The following CRYBG3 variants were observed in gnomAD, a reference collection of about 807,000 sequenced individuals.
The protein encoded by CRYBG3 is very large A-kinase anchor protein.
In CRYBG3, 127 loss-of-function variants were observed where a neutral mutation model predicts 244.2. The ratio of observed to expected loss-of-function variants is 0.52; its 90% CI spans 0.45 to 0.60. The LOEUF (loss-of-function observed/expected upper bound fraction) is 0.60, where lower values mean the gene tolerates loss of function less well. Among genes scored for constraint, CRYBG3 ranks in the 20% least tolerant of loss-of-function variants. CRYBG3 has a pLI of 0.00. For missense variants in CRYBG3, 3,325 were observed against 3,442.5 expected (o/e 0.97, Z 0.85); for synonymous variants, 1,132 against 1,195.8 (o/e 0.95, Z 1.10).
In CRYBG3 at chr3:97,873,734, A is replaced by C. The variant is rs547133795; in HGVS notation, c.2540A>C (p.Glu847Ala). The change falls in exon 4 of 22, where the codon GAG becomes GCG. Residue 847 changes from glutamate to alanine, a missense_variant. By Grantham distance (107) the Glu-to-Ala change is moderately radical. Coordinates refer to ENST00000389622, the MANE Select transcript of CRYBG3 (RefSeq NM_153605.4). Reference protein sequence around the residue: ...SLSKVSLSKVEPRNISQDKMS... With the variant: ...SLSKVSLSKVAPRNISQDKMS... ...TCCAAGGTATCTCTTTCAAAAGTGG[A>C]GCCCAGAAACATTTCTCAGGATAAA... 551 of 1,535,802 alleles carry C rather than the reference A, an allele frequency of 3.6e-4. 6 individuals carry two copies. In the South Asian group the frequency reaches 6.3e-3, roughly 17 times the overall value.
chr3:97,940,148 A>T (rs1012696553), intron 19 of CRYBG3, among the ~76,000 whole-genome samples: 1 of 152,004 alleles, frequency 6.6e-6, no homozygotes, highest in African/African-American at 2.4e-5. Context: ...GTCATTTATT[A>T]CATTAAGGCT....
intron 3 of CRYBG3, among the ~76,000 whole-genome samples, chr3:97,871,035 A>G (rs1470757944): frequency 2.2e-4 from 34 of 152,166 alleles, no homozygotes; most frequent in Non-Finnish European, 4.4e-5. Context: ...TGATGCTGGC[A>G]TTAAAGGGCA....
chr3:97,901,456 A>G (rs1040059175), intron 15 of CRYBG3, among the ~76,000 whole-genome samples: 1 of 152,110 alleles, frequency 6.6e-6, no homozygotes, highest in African/African-American at 2.4e-5. Context: ...TAGTTTTACC[A>G]GGTTTGCATT....
chr3:97,891,252 A>G (rs183354542), intron 10 of CRYBG3, among the ~76,000 whole-genome samples: 9 of 152,306 alleles, frequency 5.9e-5, no homozygotes, highest in Admixed American at 1.3e-4. Context: ...ACTTATAAAG[A>G]TAATTCAAGA....
Position 97,888,394 on chromosome 3 carries a change from A to C in CRYBG3, c.7343A>C (p.Glu2448Ala). The change falls in exon 9 of 22, where the codon GAA (glutamate) becomes GCA (alanine). Residue 2448 changes from glutamate (E) to alanine (A), a missense_variant. Physicochemically the swap from Glu to Ala is moderately radical, Grantham distance 107. Around this residue, in one of 4 missense-constraint regions of CRYBG3, gnomAD observed 714 missense variants for 803.6 expected, o/e 0.89. Transcript: ENST00000389622. ...NFKGQATVLEEDHGLFEISTA... is the reference protein window; with the variant it reads ...NFKGQATVLEADHGLFEISTA... ...AAGGGACAAGCTACAGTTCTGGAGG[A>C]AGACCATGGGCTCTTTGAGATTTCT... The C allele has an allele frequency of 1.2e-6, 2 of 1,613,206 alleles. No individual in the cohort carries two copies. Among genetic ancestry groups the C allele is most frequent in the East Asian group, 2.2e-5 (1 of 44,808 alleles).
At position 97,872,840 on chromosome 3, in the gene CRYBG3, A is replaced by T; in HGVS notation, c.1646A>T (p.Glu549Val). Residue 549 changes from glutamate to valine, a missense_variant, in exon 4 of 22, where the codon GAA becomes GTA. Around this residue, in one of 4 missense-constraint regions of CRYBG3, gnomAD observed 1,526 missense variants for 1,443.2 expected, o/e 1.06. Coordinates refer to ENST00000389622, the MANE Select transcript of CRYBG3 (RefSeq NM_153605.4). ...GCTTCAAGTCATGTAAAAGCTCCAG[A>T]AGATAAAATTGAGTCATTACCCAAA... ...SIASSHVKAP[E>V]DKIESLPKDT... 3 of 1,535,984 alleles carry T rather than the reference A, an allele frequency of 2.0e-6. No homozygotes were observed. The highest frequency in any genetic ancestry group is 2.6e-6 in the Non-Finnish European group (3 of 1,146,826).
intron 15 of CRYBG3, among the ~76,000 whole-genome samples, chr3:97,910,799 C>G (rs1057281592): frequency 6.6e-6 from 1 of 152,224 alleles, no homozygotes; most frequent in South Asian, 2.1e-4. Flanking sequence ...AAAGATATTT[C>G]TATGCAGGAG....
chr3:97,884,345 GTATT>G (rs2039483929), intron 7 of CRYBG3, among the ~76,000 whole-genome samples: 1 of 152,040 alleles, frequency 6.6e-6, no homozygotes, highest in Non-Finnish European at 1.5e-5. Context: ...TGTTTACTGT[GTATT>G]TAAGGTTTTT....
intron 19 of CRYBG3, among the ~76,000 whole-genome samples, chr3:97,937,553 G>T (rs907479198): frequency 3.9e-5 from 6 of 152,024 alleles, no homozygotes; most frequent in Non-Finnish European, 8.8e-5. Context: ...CCTCAAGAAT[G>T]CCTCCCCCAC....
At chr3:97,903,987 G>T (rs1022791487) in intron 15 of CRYBG3, among the ~76,000 whole-genome samples, 8 of 152,078 alleles carry the variant, frequency 5.3e-5, no homozygotes, top group African/African-American at 1.9e-4. Flanking sequence ...TCTCTTATTT[G>T]TCAATTTGCC....
intron 2 of CRYBG3, among the ~76,000 whole-genome samples, chr3:97,859,898 C>G (rs2039121800): frequency 6.6e-6 from 1 of 152,156 alleles, no homozygotes; most frequent in South Asian, 2.1e-4. Flanking sequence ...ATATTGTTCT[C>G]TTCATATCAT....
intron 1 of CRYBG3, among the ~76,000 whole-genome samples, chr3:97,831,558 T>G (rs1205675246): frequency 6.6e-6 from 1 of 152,082 alleles, no homozygotes; most frequent in Admixed American, 6.6e-5. Flanking sequence ...TATCTATTCT[T>G]TTTTGTAAAA....
intron 1 of CRYBG3, among the ~76,000 whole-genome samples, chr3:97,842,918 C>CT (rs1179949969): frequency 6.6e-6 from 1 of 152,050 alleles, no homozygotes; most frequent in Non-Finnish European, 1.5e-5. Context: ...CACAGGTGCT[C>CT]TTTTGTTCAG....
At chr3:97,841,309 T>C (rs563188937) in intron 1 of CRYBG3, among the ~76,000 whole-genome samples, 70 of 150,482 alleles carry the variant, frequency 4.7e-4, no homozygotes, top group Non-Finnish European at 7.4e-4. Context: ...TGTATATATA[T>C]GTGTATATAC....
chr3:97,904,700 ATTTTT>A (rs977226506), intron 15 of CRYBG3, among the ~76,000 whole-genome samples: 1 of 143,850 alleles, frequency 7.0e-6, no homozygotes, highest in South Asian at 2.2e-4. Flanking sequence ...TTTTATTTTT[ATTTTT>A]TTTTAAGTTT....
chr3:97,876,250 G>C lies in CRYBG3; in HGVS notation c.5056G>C (p.Ala1686Pro), dbSNP rs941209112. Residue 1686 changes from alanine to proline, a missense_variant, in exon 4 of 22, where the codon GCC becomes CCC. Coordinates refer to ENST00000389622, the MANE Select transcript of CRYBG3 (RefSeq NM_153605.4). ...EGDIGKTGTI[A>P]LSEVENIHQK... is the part of the protein sequence containing the mutation. ...GGATATTGGCAAGACTGGGACGATA[G>C]CCTTGTCAGAAGTGGAAAATATCCA... The C allele has an allele frequency of 1.9e-5, 23 of 1,231,834 alleles. No individual in the cohort carries two copies. Among genetic ancestry groups the C allele is most frequent in the Non-Finnish European group, 2.3e-5 (23 of 987,940 alleles). 76.3% of individuals were successfully genotyped at this position (1,231,834 alleles called of 1,614,324 possible).
At chr3:97,906,793 G>C (rs891053455) in intron 15 of CRYBG3, among the ~76,000 whole-genome samples, 5 of 152,100 alleles carry the variant, frequency 3.3e-5, no homozygotes, top group African/African-American at 9.7e-5. Flanking sequence ...TTGAATAGGA[G>C]TGGTGAGAGA....
At chr3:97,919,823 C>T (rs1399118972) in intron 17 of CRYBG3, among the ~76,000 whole-genome samples, 3 of 151,374 alleles carry the variant, frequency 2.0e-5, no homozygotes, top group Admixed American at 6.6e-5. Context: ...TTTAAAGGTA[C>T]TCCATTTTGC....
intron 3 of CRYBG3, among the ~76,000 whole-genome samples, chr3:97,867,672 T>G (rs372043395): frequency 7.3e-4 from 111 of 152,352 alleles, no homozygotes; most frequent in African/African-American, 2.4e-3. Context: ...TACTGTTCTT[T>G]GGATTATGTA....
Sources: allele counts gnomAD v4.1 joint callset (sites outside exome capture counted in the v4.1 genomes callset), GRCh38; gene constraint gnomAD v4.1.1; regional missense constraint gnomAD v4.1.1; transcripts MANE v1.5; gene names NCBI Gene and HGNC (gene_info 2026-07-23, HGNC 2026-07-21).